CLTB: variants seen among roughly 807,000 people sequenced by gnomAD.
CLTB encodes the protein clathrin light chain B.
A neutral mutation model predicts 30.5 loss-of-function variants in CLTB; 10 were observed. That is an observed-to-expected ratio of 0.33 (90% confidence interval 0.20 to 0.56). The LOEUF is 0.56. CLTB is among the 20% of genes least tolerant of loss of function. The pLI is 0.91. For synonymous variants in CLTB, 102 were observed against 120.3 expected (o/e 0.85, Z 1.00); for missense variants, 261 against 308.3 (o/e 0.85, Z 1.15).
intron 1 of CLTB, among the ~76,000 whole-genome samples, chr5:176,413,321 C>G (rs1004849832): frequency 6.6e-6 from 1 of 152,250 alleles, no homozygotes; most frequent in African/African-American, 2.4e-5. Flanking sequence ...GCTTACGAGG[C>G]CCAGCGGGGG....
intron 2 of CLTB, among the ~76,000 whole-genome samples, 175 bp downstream of exon 2, chr5:176,410,082 C>T (rs915083878): frequency 2.6e-5 from 4 of 152,220 alleles, no homozygotes; most frequent in Non-Finnish European, 5.9e-5. Flanking sequence ...ATTCTTCTTC[C>T]CTGCCCTCTA....
chr5:176,400,049 G>T (rs1294595921), intron 2 of CLTB, among the ~76,000 whole-genome samples: 1 of 151,844 alleles, frequency 6.6e-6, no homozygotes, highest in African/African-American at 2.4e-5. Context: ...AAATTAGCTG[G>T]GTGTGGTGGC....
chr5:176,394,340 C>A (rs1192259828), intron 5 of CLTB, among the ~76,000 whole-genome samples: 1 of 152,202 alleles, frequency 6.6e-6, no homozygotes, highest in Non-Finnish European at 1.5e-5. Flanking sequence ...GAATCAGAAT[C>A]AGGGTTTTCA....
intron 1 of CLTB, 33 bp downstream of exon 1, chr5:176,416,144 C>T: frequency 1.3e-6 from 2 of 1,507,786 alleles, no homozygotes; most frequent in Non-Finnish European, 1.8e-6. Context: ...GGTGCGCGCC[C>T]TGAGCCCCTC....
intron 3 of CLTB, 101 bp downstream of exon 3, chr5:176,397,828 TC>T: frequency 6.8e-7 from 1 of 1,474,992 alleles, no homozygotes; most frequent in Non-Finnish European, 9.5e-7. Flanking sequence ...ACCGGCCCAG[TC>T]CCACATTAAG....
At chr5:176,409,774 T>C (rs961371151) in intron 2 of CLTB, among the ~76,000 whole-genome samples, 2 of 152,218 alleles carry the variant, frequency 1.3e-5, no homozygotes, top group African/African-American at 4.8e-5. Context: ...TCCCTGATGC[T>C]GGACACTTAG....
Position 176,416,496 on chromosome 5 carries a change from G to T in CLTB, c.-133C>A. The T allele has an allele frequency of 2.9e-6, 2 of 698,304 alleles. No homozygotes were observed. Among genetic ancestry groups the T allele is most frequent in the Non-Finnish European group, 3.9e-6 (2 of 508,614 alleles). 43.3% of individuals were successfully genotyped at this position (698,304 alleles called of 1,614,324 possible). A position where few individuals can be genotyped will look rare whatever the true frequency, so the allele number is the denominator to read the frequency against. On this transcript the variant is annotated 5_prime_UTR_variant, in exon 1 of 6. Transcript: ENST00000310418. Reference sequence around the variant, plus strand: ...GCGTCGGCGGGGACGGGCTTGGCGCGGACCGCACTTCCTCTCCGCCACCGG... The same window carrying T: ...GCGTCGGCGGGGACGGGCTTGGCGCTGACCGCACTTCCTCTCCGCCACCGG...
intron 1 of CLTB, among the ~76,000 whole-genome samples, 181 bp from the exon 2 acceptor site, chr5:176,410,484 A>G (rs1018379165): frequency 1.3e-5 from 2 of 152,234 alleles, no homozygotes; most frequent in African/African-American, 4.8e-5. Context: ...GACTGTTTAT[A>G]AAGCCTCTCA....
chr5:176,413,151 A>C (rs1757532541), intron 1 of CLTB, among the ~76,000 whole-genome samples: 1 of 151,464 alleles, frequency 6.6e-6, no homozygotes, highest in Non-Finnish European at 1.5e-5. Flanking sequence ...CTCTCCACCC[A>C]CCCACTGCCC....
chr5:176,409,700 C>T (rs1466533468), intron 2 of CLTB, among the ~76,000 whole-genome samples: 1 of 152,214 alleles, frequency 6.6e-6, no homozygotes, highest in African/African-American at 2.4e-5. Flanking sequence ...AGGCGTCAGC[C>T]ACTGCACCCG....
chr5:176,412,626 G>A (rs983541851), intron 1 of CLTB, among the ~76,000 whole-genome samples: 1 of 152,152 alleles, frequency 6.6e-6, no homozygotes, highest in Non-Finnish European at 1.5e-5. Flanking sequence ...CAGTGTGTTT[G>A]GCCTGGGGAC....
intron 2 of CLTB, chr5:176,406,706 G>A (rs773395149): frequency 6.0e-5 from 77 of 1,286,096 alleles, no homozygotes; most frequent in South Asian, 1.4e-4. Flanking sequence ...GGTGGTGCAC[G>A]GGCTGCAGAA....
intron 1 of CLTB, among the ~76,000 whole-genome samples, chr5:176,413,697 T>C (rs1331448948): frequency 6.6e-6 from 1 of 152,232 alleles, no homozygotes; most frequent in African/African-American, 2.4e-5. Context: ...TCCAGGCTCC[T>C]GGCACACATC....
intron 5 of CLTB, among the ~76,000 whole-genome samples, chr5:176,394,686 G>C (rs560966505): frequency 6.6e-6 from 1 of 152,248 alleles, no homozygotes; most frequent in South Asian, 2.1e-4. Context: ...ATGGTGGCGG[G>C]CACCTGTAGT....
chr5:176,400,971 G>A (rs1756789594), intron 2 of CLTB, among the ~76,000 whole-genome samples: 1 of 152,180 alleles, frequency 6.6e-6, no homozygotes, highest in African/African-American at 2.4e-5. Flanking sequence ...GGGAAGGGCA[G>A]GCCAGGGCAG....
chr5:176,409,435 C>CA (rs1473261210), intron 2 of CLTB, among the ~76,000 whole-genome samples: 1 of 89,006 alleles, frequency 1.1e-5, no homozygotes, highest in Non-Finnish European at 2.0e-5. Flanking sequence ...TTTTTTCAGA[C>CA]AGAGTTTCAC....
chr5:176,410,054 C>T (rs1757349205), intron 2 of CLTB, among the ~76,000 whole-genome samples: 1 of 152,202 alleles, frequency 6.6e-6, no homozygotes, highest in African/African-American at 2.4e-5. Flanking sequence ...CCATCAATCT[C>T]GATCTCTAGT....
chr5:176,395,484 T>C (rs1276605908), intron 5 of CLTB, among the ~76,000 whole-genome samples: 2 of 152,142 alleles, frequency 1.3e-5, no homozygotes, highest in African/African-American at 2.4e-5. Context: ...CTGTGCCCTG[T>C]GAGAGGAGGC....
rs147572137 is a variant in CLTB, at chr5:176,416,325, G to A, written c.39C>T (p.Ser13=). ...CCTCCTCCGCCGCCTCCGGGGCACC[G>A]CTCTCCGACGACGAGAAGAAGCCAA... The part of the protein sequence containing the change: ...DDFGFFSSSE[S]GAPEAAEEDP... Residue 13 remains serine (S), a synonymous_variant, in exon 1 of 6, where the codon AGC becomes AGT. Coordinates refer to ENST00000310418, the MANE Select transcript of CLTB (RefSeq NM_007097.5). The A allele has an allele frequency of 6.7e-4, 1,080 of 1,601,990 alleles. 1 individual carries two copies. Among genetic ancestry groups the A allele is most frequent in the Non-Finnish European group, 8.6e-4 (1,006 of 1,176,062 alleles).
Sources: allele counts gnomAD v4.1 joint callset (sites outside exome capture counted in the v4.1 genomes callset), GRCh38; gene constraint gnomAD v4.1.1; transcripts MANE v1.5; gene names NCBI Gene and HGNC (gene_info 2026-07-23, HGNC 2026-07-21).